The following NUBPL variants were observed in gnomAD, a reference collection of about 807,000 sequenced individuals.
NUBPL encodes NUBP iron-sulfur cluster assembly factor, mitochondrial.
A neutral mutation model predicts 45.7 loss-of-function variants in NUBPL; 31 were observed. The observed-to-expected ratio is 0.68, with a 90% confidence interval of 0.51 to 0.92. NUBPL has a LOEUF of 0.92. Among genes scored for constraint, NUBPL ranks in the 40% least tolerant of loss-of-function variants. NUBPL has a pLI of 0.00. For missense variants in NUBPL, 401 were observed against 398.7 expected, an observed-to-expected ratio of 1.01 and a Z score of -0.05; for synonymous variants, 144 against 140.9, an observed-to-expected ratio of 1.02 and a Z score of -0.15.
chr14:31,699,690 G>T (rs1442228045), intron 6 of NUBPL, among the ~76,000 whole-genome samples: 2 of 152,118 alleles, frequency 1.3e-5, no homozygotes, highest in Non-Finnish European at 2.9e-5. Flanking sequence ...TTCTCATTCA[G>T]CTACAAGTTT....
intron 6 of NUBPL, among the ~76,000 whole-genome samples, chr14:31,752,474 G>A (rs542438243): frequency 4.6e-5 from 7 of 152,252 alleles, no homozygotes; most frequent in South Asian, 2.1e-4. Context: ...CAGTCTCTTC[G>A]CTAAAGCATA....
intron 7 of NUBPL, among the ~76,000 whole-genome samples, chr14:31,808,601 AC>A (rs2039738206): frequency 6.6e-6 from 1 of 152,052 alleles, no homozygotes; most frequent in Non-Finnish European, 1.5e-5. Flanking sequence ...CTAATTGAAT[AC>A]CCTTCATTTC....
chr14:31,793,828 CT>C (rs55698198), intron 7 of NUBPL, among the ~76,000 whole-genome samples: 1 of 127,616 alleles, frequency 7.8e-6, no homozygotes, highest in African/African-American at 3.2e-5. Flanking sequence ...CCTTATCTTT[CT>C]TTTTTTTTTT....
chr14:31,562,326 A>G, intron 2 of NUBPL, 111 bp downstream of exon 2: 2 of 1,045,266 alleles, frequency 1.9e-6, no homozygotes, highest in Non-Finnish European at 2.8e-6. Flanking sequence ...GAAGTTCCTA[A>G]CATGTGATTC....
intron 3 of NUBPL, among the ~76,000 whole-genome samples, chr14:31,575,056 C>T (rs890265752): frequency 6.6e-6 from 1 of 152,062 alleles, no homozygotes; most frequent in Non-Finnish European, 1.5e-5. Context: ...TATCTCAAAG[C>T]ATTTATTTTT....
intron 4 of NUBPL, among the ~76,000 whole-genome samples, chr14:31,601,907 A>G (rs1271139357): frequency 6.6e-6 from 1 of 152,228 alleles, no homozygotes; most frequent in South Asian, 2.1e-4. Context: ...CCAAAGGACT[A>G]TAAATCATGC....
intron 4 of NUBPL, among the ~76,000 whole-genome samples, chr14:31,666,821 G>T (rs1302714800): frequency 1.3e-5 from 2 of 152,034 alleles, no homozygotes; most frequent in Non-Finnish European, 2.9e-5. Flanking sequence ...AGCTTAGTTT[G>T]GCCGTATATG....
chr14:31,584,945 C>T (rs1455855256), intron 3 of NUBPL, among the ~76,000 whole-genome samples: 1 of 152,148 alleles, frequency 6.6e-6, no homozygotes, highest in Admixed American at 6.5e-5. Flanking sequence ...ATTCATGAGG[C>T]CTCCACCCTC....
At chr14:31,681,156 T>G (rs772258354) in intron 6 of NUBPL, among the ~76,000 whole-genome samples, 3 of 152,100 alleles carry the variant, frequency 2.0e-5, no homozygotes, top group Non-Finnish European at 4.4e-5. Flanking sequence ...AATGTTGGTA[T>G]TTGAAGGAAT....
At chr14:31,852,443 C>T (rs916241001) in intron 10 of NUBPL, among the ~76,000 whole-genome samples, 10 of 152,050 alleles carry the variant, frequency 6.6e-5, no homozygotes, top group East Asian at 3.9e-4. Context: ...GAGGCTGAGG[C>T]GGGCAGATCA....
At chr14:31,858,011 C>A (rs747026708) in intron 10 of NUBPL, among the ~76,000 whole-genome samples, 1 of 152,082 alleles carries the variant, frequency 6.6e-6, no homozygotes, top group Non-Finnish European at 1.5e-5. Flanking sequence ...AAAGACATAC[C>A]AGAGACTGGG....
intron 6 of NUBPL, among the ~76,000 whole-genome samples, chr14:31,750,504 T>C (rs545206595): frequency 6.6e-4 from 100 of 152,112 alleles, no homozygotes; most frequent in Admixed American, 1.4e-3. Context: ...GCCACAATCA[T>C]TATTTTTAAT....
At chr14:31,810,839 C>T (rs549516750) in intron 7 of NUBPL, among the ~76,000 whole-genome samples, 8 of 152,246 alleles carry the variant, frequency 5.3e-5, no homozygotes, top group African/African-American at 1.9e-4. Context: ...TCAGCATTTG[C>T]TAGTCTGTAA....
At chr14:31,630,359 C>A (rs1363851904) in intron 4 of NUBPL, among the ~76,000 whole-genome samples, 4 of 152,132 alleles carry the variant, frequency 2.6e-5, no homozygotes, top group African/African-American at 9.7e-5. Context: ...TAGATCCCCC[C>A]ACATATTTGT....
chr14:31,669,800 TTTTTTTTTG>T (rs1351839774), intron 4 of NUBPL, among the ~76,000 whole-genome samples: 3 of 52,944 alleles, frequency 5.7e-5, no homozygotes, highest in South Asian at 6.9e-4. Context: ...GATCTTGGTT[TTTTTTTTTG>T]TTTTTTTTTT....
At chr14:31,714,179 A>G (rs955553296) in intron 6 of NUBPL, among the ~76,000 whole-genome samples, 8 of 152,176 alleles carry the variant, frequency 5.3e-5, no homozygotes, top group South Asian at 2.1e-4. Context: ...TTTGCTTCCT[A>G]ATAGAAAGGC....
At chr14:31,715,969 T>A (rs2037679034) in intron 6 of NUBPL, among the ~76,000 whole-genome samples, 1 of 152,212 alleles carries the variant, frequency 6.6e-6, no homozygotes. Flanking sequence ...CATCCTTTTT[T>A]CTGTAAGCTT....
chr14:31,788,638 C>T (rs942322611), intron 7 of NUBPL, among the ~76,000 whole-genome samples: 2 of 152,196 alleles, frequency 1.3e-5, no homozygotes, highest in Non-Finnish European at 2.9e-5. Flanking sequence ...TGCCCTCTTT[C>T]TCTTCATATC....
At chr14:31,765,651 T>G (rs1450746639) in intron 6 of NUBPL, among the ~76,000 whole-genome samples, 1 of 150,832 alleles carries the variant, frequency 6.6e-6, no homozygotes, top group African/African-American at 2.4e-5. Context: ...TTTTTTTGCC[T>G]TAAAACATCT....
Sources: allele counts gnomAD v4.1 joint callset (sites outside exome capture counted in the v4.1 genomes callset), GRCh38; gene constraint gnomAD v4.1.1; transcripts MANE v1.5; gene names NCBI Gene and HGNC (gene_info 2026-07-23, HGNC 2026-07-21).